HMGB1: variants seen among roughly 807,000 people sequenced by gnomAD.
HMGB1 encodes high mobility group protein B1.
For missense variants in HMGB1, 79 were observed against 253.5 expected, an observed-to-expected ratio of 0.31 and a Z score of 4.67; for synonymous variants, 81 against 84.0, an observed-to-expected ratio of 0.96 and a Z score of 0.19.
intron 1 of HMGB1, among the ~76,000 whole-genome samples, chr13:30,558,562 G>C (rs1593311478): frequency 6.6e-6 from 1 of 152,208 alleles, no homozygotes; most frequent in East Asian, 1.9e-4. Context: ...AGAGAAATAG[G>C]CATTAAAATG....
chr13:30,551,110 A>C (rs1869406167), intron 1 of HMGB1, among the ~76,000 whole-genome samples: 1 of 152,220 alleles, frequency 6.6e-6, no homozygotes, highest in Non-Finnish European at 1.5e-5. Context: ...TTTACCATCT[A>C]CTATCATGAT....
At chr13:30,554,063 C>A (rs1211319723) in intron 1 of HMGB1, 3 of 1,365,498 alleles carry the variant, frequency 2.2e-6, no homozygotes, top group African/African-American at 1.4e-5. Flanking sequence ...CAACAGATGA[C>A]CAAAAGATGC....
intron 1 of HMGB1, among the ~76,000 whole-genome samples, chr13:30,609,594 G>A (rs1055705937): frequency 1.4e-4 from 21 of 152,062 alleles, no homozygotes; most frequent in African/African-American, 4.8e-4. Context: ...AGAACAACCC[G>A]TCCTGTTTAT....
intron 1 of HMGB1, among the ~76,000 whole-genome samples, chr13:30,528,712 T>C (rs917832978): frequency 3.3e-4 from 50 of 152,126 alleles, no homozygotes; most frequent in Non-Finnish European, 2.1e-4. Context: ...AGGGGAAACA[T>C]CCTCAACTGA....
At chr13:30,493,245 G>A (rs746481859) in intron 1 of HMGB1, among the ~76,000 whole-genome samples, 2 of 152,134 alleles carry the variant, frequency 1.3e-5, no homozygotes, top group Non-Finnish European at 2.9e-5. Context: ...ACATGAGTCA[G>A]TAATAAACAG....
rs1555231254 is a variant in HMGB1, at chr13:30,458,331, G to GTGTT, written c.*3025_*3026insAACA. The GTGTT allele has an allele frequency of 3.6e-5, 5 of 137,034 alleles. No individual in the cohort carries two copies. The highest frequency in any genetic ancestry group is 1.4e-4 in the African/African-American group (5 of 36,242). The allele number at this position is 137,034 out of a possible 1,614,324, so 8.5% of individuals were successfully genotyped here. A position where few individuals can be genotyped will look rare whatever the true frequency, so the allele number is the denominator to read the frequency against. The stretch of plus-strand genomic sequence containing the variant: ...TTCAAAAACCAGTTGTCTCTCCTGT[G>GTGTT]TTTTTTTTTTTTTTTTGAGATGGAG... On this transcript the variant is annotated 3_prime_UTR_variant, in exon 5 of 5. Coordinates refer to ENST00000341423, the MANE Select transcript of HMGB1 (RefSeq NM_002128.7).
chr13:30,521,492 T>C (rs1888238286), intron 1 of HMGB1, among the ~76,000 whole-genome samples: 1 of 152,212 alleles, frequency 6.6e-6, no homozygotes, highest in Non-Finnish European at 1.5e-5. Context: ...TGTGACTGGC[T>C]TCCTTTCCTT....
At chr13:30,564,081 A>G (rs59609929) in intron 1 of HMGB1, among the ~76,000 whole-genome samples, 5,245 of 152,186 alleles carry the variant, frequency 0.034, 320 homozygotes, top group African/African-American at 0.12. Flanking sequence ...CAATATTAAA[A>G]GGTGATATAT....
At chr13:30,463,438 C>T in intron 2 of HMGB1, 86 bp from the exon 3 acceptor site, 1 of 1,505,616 alleles carries the variant, frequency 6.6e-7, no homozygotes, top group Non-Finnish European at 9.1e-7. Flanking sequence ...GTAATAGCGT[C>T]CCACTACGAG....
intron 1 of HMGB1, among the ~76,000 whole-genome samples, chr13:30,505,232 A>G (rs952312630): frequency 1.5e-3 from 235 of 151,626 alleles, no homozygotes; most frequent in African/African-American, 5.0e-3. Flanking sequence ...AGGCTGGAGT[A>G]CAGTGGCGCC....
chr13:30,562,055 C>T (rs915166941), intron 1 of HMGB1, among the ~76,000 whole-genome samples: 2 of 152,184 alleles, frequency 1.3e-5, no homozygotes, highest in Admixed American at 6.5e-5. Context: ...GGCGCAGTGG[C>T]TCACGCCTGT....
intron 1 of HMGB1, among the ~76,000 whole-genome samples, chr13:30,581,891 A>G (rs752402283): frequency 6.6e-5 from 10 of 152,172 alleles, no homozygotes; most frequent in Non-Finnish European, 1.5e-4. Flanking sequence ...GTAAGTCTCA[A>G]GACTTTCTGG....
intron 1 of HMGB1, among the ~76,000 whole-genome samples, chr13:30,616,439 T>G: frequency 6.6e-6 from 1 of 152,246 alleles, no homozygotes; most frequent in Non-Finnish European, 1.5e-5. Context: ...AATTTATGAG[T>G]TAATACTCAG....
At chr13:30,479,938 G>A (rs1887189412) in intron 1 of HMGB1, among the ~76,000 whole-genome samples, 1 of 152,128 alleles carries the variant, frequency 6.6e-6, no homozygotes, top group Admixed American at 6.6e-5. Flanking sequence ...GGCCCTCAGG[G>A]CCCTCCCTAA....
At chr13:30,463,156 A>C (rs771928240) in intron 3 of HMGB1, 51 bp downstream of exon 3, 10 of 1,560,330 alleles carry the variant, frequency 6.4e-6, no homozygotes, top group Non-Finnish European at 7.8e-6. Flanking sequence ...AATTTCTCTC[A>C]GATTCTACTG....
At chr13:30,586,479 G>GTTTT (rs11315470) in intron 1 of HMGB1, among the ~76,000 whole-genome samples, 1 of 105,068 alleles carries the variant, frequency 9.5e-6, no homozygotes, top group African/African-American at 3.1e-5. Context: ...GGTTTTTTTT[G>GTTTT]TTTTTTTTTT....
intron 1 of HMGB1, among the ~76,000 whole-genome samples, chr13:30,603,816 A>G (rs373058284): frequency 1.8e-4 from 27 of 152,344 alleles, no homozygotes; most frequent in African/African-American, 6.5e-4. Context: ...CATACGATGA[A>G]AATACTACGT....
At chr13:30,593,892 A>C (rs1241708301) in intron 1 of HMGB1, among the ~76,000 whole-genome samples, 1 of 152,246 alleles carries the variant, frequency 6.6e-6, no homozygotes, top group Non-Finnish European at 1.5e-5. Flanking sequence ...ATTGAAGGAG[A>C]CTAAAGTTAA....
At chr13:30,605,974 A>T (rs1950454607) in intron 1 of HMGB1, among the ~76,000 whole-genome samples, 1 of 152,188 alleles carries the variant, frequency 6.6e-6, no homozygotes, top group Non-Finnish European at 1.5e-5. Flanking sequence ...ACACCTAGGA[A>T]AATTAAAAAT....
Sources: allele counts gnomAD v4.1 joint callset (sites outside exome capture counted in the v4.1 genomes callset), GRCh38; gene constraint gnomAD v4.1.1; transcripts MANE v1.5; gene names NCBI Gene and HGNC (gene_info 2026-07-23, HGNC 2026-07-21).